The following MKRN1 variants were observed in gnomAD, a reference collection of about 807,000 sequenced individuals.
MKRN1 encodes the protein E3 ubiquitin-protein ligase makorin-1.
In MKRN1, 9 loss-of-function variants were observed where a neutral mutation model predicts 55.5. The observed-to-expected ratio is 0.16, with a 90% CI of 0.10 to 0.28. The LOEUF (loss-of-function observed/expected upper bound fraction) is 0.28. MKRN1 is among the 10% of genes least tolerant of loss of function. The pLI, the probability that MKRN1 is intolerant of heterozygous loss-of-function variation, is 1.00. For missense variants in MKRN1, 488 were observed against 626.7 expected (o/e 0.78, Z 2.36); for synonymous variants, 253 against 235.9 (o/e 1.07, Z -0.66).
intron 1 of MKRN1, among the ~76,000 whole-genome samples, chr7:140,476,630 T>G (rs1262343108): frequency 6.7e-6 from 1 of 150,166 alleles, no homozygotes; most frequent in Non-Finnish European, 1.5e-5. Flanking sequence ...TTTATCAACA[T>G]CACTCAAGCA....
intron 1 of MKRN1, among the ~76,000 whole-genome samples, chr7:140,474,005 A>AAAG (rs1554450297): frequency 1.0e-3 from 66 of 65,616 alleles, no homozygotes; most frequent in Middle Eastern, 7.1e-3. Flanking sequence ...AAAAAAAAAA[A>AAAG]AAAGAAAGAA....
At position 140,454,406 on chromosome 7, in the gene MKRN1, C is replaced by T; in HGVS notation, c.*111G>A. On this transcript the variant is annotated 3_prime_UTR_variant, in exon 8 of 8. Coordinates refer to ENST00000255977, the MANE Select transcript of MKRN1 (RefSeq NM_013446.4). ...CCCTGGGTAAAAATTCTTAGGACAG[C>T]ACCTGGAGTTGAGAGGCCTGCCTAG... 3.0e-6 allele frequency: 3 copies of T among 1,013,978 alleles called. No homozygotes were observed. The highest frequency in any genetic ancestry group is 4.5e-6 in the Non-Finnish European group (3 of 668,518). 62.8% of individuals were successfully genotyped at this position (1,013,978 alleles called of 1,614,324 possible).
chr7:140,460,683 T>C (rs949674049), intron 2 of MKRN1, among the ~76,000 whole-genome samples: 10 of 152,332 alleles, frequency 6.6e-5, no homozygotes, highest in Non-Finnish European at 1.5e-4. Context: ...CCTATGATTC[T>C]GCATATTTAG....
Position 140,454,652 on chromosome 7 carries a change from C to T in MKRN1, c.1314G>A (p.Glu438=). The T allele has an allele frequency of 3.7e-6, 6 of 1,614,008 alleles. No individual in the cohort carries two copies. The highest frequency in any genetic ancestry group is 5.1e-6 in the Non-Finnish European group (6 of 1,179,874). Residue 438 remains glutamate, a synonymous_variant, in exon 8 of 8, where the codon GAG becomes GAA. Coordinates refer to ENST00000255977, the MANE Select transcript of MKRN1 (RefSeq NM_013446.4). ...TCTCGCCCAGCTCAAAGGTGACAAC[C>T]TCTTCTTCATCGTTGTCAAAGGGGT... ...NSNPFDNDEE[E]VVTFELGEML...
At chr7:140,462,644 C>T (rs1794655683) in intron 2 of MKRN1, among the ~76,000 whole-genome samples, 1 of 151,678 alleles carries the variant, frequency 6.6e-6, no homozygotes. Context: ...GCCTGGGCAA[C>T]ATGGCAAAAC....
intron 2 of MKRN1, among the ~76,000 whole-genome samples, chr7:140,469,655 G>A (rs961715722): frequency 1.3e-5 from 2 of 152,174 alleles, no homozygotes; most frequent in African/African-American, 4.8e-5. Context: ...GCTCACGCCT[G>A]TAATCCCAGC....
chr7:140,456,164 G>T (rs1166597474), intron 5 of MKRN1: 5 of 1,154,528 alleles, frequency 4.3e-6, no homozygotes, highest in African/African-American at 3.3e-5. Flanking sequence ...AAAAACAAAA[G>T]AAGACATTTC....
At chr7:140,472,147 T>G in intron 1 of MKRN1, 136 bp from the exon 2 acceptor site, 1 of 1,200,290 alleles carries the variant, frequency 8.3e-7, no homozygotes, top group Non-Finnish European at 1.2e-6. Flanking sequence ...GGGCCAGGCA[T>G]GGTGGCTCAT....
At chr7:140,479,128 C>G (rs902404161) in intron 1 of MKRN1, 32 bp downstream of exon 1, 6 of 1,298,640 alleles carry the variant, frequency 4.6e-6, no homozygotes, top group Non-Finnish European at 5.8e-6. Flanking sequence ...GCCCCCTCCC[C>G]GCGCCCGGCG....
At chr7:140,471,170 G>A (rs1245876671) in intron 2 of MKRN1, among the ~76,000 whole-genome samples, 1 of 152,074 alleles carries the variant, frequency 6.6e-6, no homozygotes, top group Non-Finnish European at 1.5e-5. Flanking sequence ...GATTGCTTGA[G>A]CCCAGGAATC....
At chr7:140,465,079 T>C (rs975998079) in intron 2 of MKRN1, among the ~76,000 whole-genome samples, 6 of 152,224 alleles carry the variant, frequency 3.9e-5, no homozygotes, top group Non-Finnish European at 8.8e-5. Context: ...TTTCTGTCTC[T>C]GTAAGAGAAA....
chr7:140,474,000 AAAAAAAAAGAAAGAAAGAAAGAAAGAAAG>A lies in MKRN1; in HGVS notation c.186-2018_186-1990del, dbSNP rs1186701160. On this transcript the variant is annotated intron_variant, in intron 1 of 7. Transcript: ENST00000255977. The stretch of plus-strand genomic sequence containing the variant: ...ACAGCGAAACTCCGTCTCAAAAAAA[AAAAAAAAAGAAAGAAAGAAAGAAAGAAAG>A]AAAGAAAGAAAGAAAGAAAGAAAGA... Among the ~76,000 whole-genome samples, 16 of 129,544 alleles carry A rather than the reference AAAAAAAAAGAAAGAAAGAAAGAAAGAAAG, an allele frequency of 1.2e-4. 1 individual carries two copies. The highest frequency in any genetic ancestry group is 1.7e-4 in the Non-Finnish European group (11 of 63,398). 85.0% of individuals were successfully genotyped at this position (129,544 alleles called of 152,430 possible).
At chr7:140,477,780 C>A (rs1186854599) in intron 1 of MKRN1, among the ~76,000 whole-genome samples, 1 of 152,214 alleles carries the variant, frequency 6.6e-6, no homozygotes, top group Non-Finnish European at 1.5e-5. Context: ...AGGCCGGTTT[C>A]AATCTTTTAA....
intron 1 of MKRN1, among the ~76,000 whole-genome samples, chr7:140,477,858 G>T (rs1381242403): frequency 6.6e-6 from 1 of 152,158 alleles, no homozygotes; most frequent in Non-Finnish European, 1.5e-5. Flanking sequence ...CAAATAATTT[G>T]CTCCATGAGT....
rs147474750 is a variant in MKRN1, at chr7:140,459,874, G to A, written c.377C>T (p.Ser126Leu). 461 of 1,613,950 alleles carry A rather than the reference G, an allele frequency of 2.9e-4. No homozygotes were observed. The Middle Eastern group carries it at 3.1e-3, about 11-fold the overall frequency. The part of the protein sequence containing the change: ...EATATELTTK[S>L]SLAASSSLSS... ...GAGACTTGAGGAAGCAGCAAGGGAT[G>A]ACTTTGTAGTTAGCTCTGTAGCAGT... Residue 126 changes from serine to leucine, a missense_variant, in exon 3 of 8, where the codon TCA (serine) becomes TTA (leucine). Transcript: ENST00000255977.
At chr7:140,472,672 GC>G (rs1479334352) in intron 1 of MKRN1, among the ~76,000 whole-genome samples, 2 of 151,474 alleles carry the variant, frequency 1.3e-5, no homozygotes, top group African/African-American at 4.8e-5. Flanking sequence ...ACAAGCGTGA[GC>G]CACTGCGCCT....
At chr7:140,473,566 T>C (rs1223185914) in intron 1 of MKRN1, among the ~76,000 whole-genome samples, 1 of 152,208 alleles carries the variant, frequency 6.6e-6, no homozygotes, top group Non-Finnish European at 1.5e-5. Flanking sequence ...GTGACACTTC[T>C]TACTTTGATA....
chr7:140,455,003 G>A, intron 7 of MKRN1, 92 bp downstream of exon 7: 1 of 1,525,710 alleles, frequency 6.6e-7, no homozygotes. Flanking sequence ...CCAGACCTGA[G>A]CGTTAACCTT....
In MKRN1 at chr7:140,455,091, T is replaced by C; in HGVS notation, c.1236+4A>G. 1 of 1,613,396 alleles carries C rather than the reference T, an allele frequency of 6.2e-7. No individual in the cohort carries two copies. The highest frequency in any genetic ancestry group is 8.5e-7 in the Non-Finnish European group (1 of 1,179,856). On this transcript the variant is annotated splice_donor_region_variant and intron_variant, in intron 7 of 7. Transcript: ENST00000255977. ...CCCTCCTTTAAAAAAACAGTGAGAG[T>C]TACCCGGTATCTGCTTGATGTTCCC...
Sources: gnomAD v4.1 joint callset for allele counts (sites outside exome capture counted in the v4.1 genomes callset) on GRCh38, gnomAD v4.1.1 for gene constraint, MANE v1.5 for transcripts, NCBI Gene and HGNC (gene_info 2026-07-23, HGNC 2026-07-21) for gene names.